DEFB125: variants seen among roughly 807,000 people sequenced by gnomAD.
DEFB125 encodes the protein defensin beta 125.
A neutral mutation model predicts 11.8 loss-of-function variants in DEFB125; 11 were observed. The ratio of observed to expected loss-of-function variants is 0.94; its 90% CI spans 0.59 to 1.55. DEFB125 has a LOEUF of 1.55. Among genes scored for constraint, DEFB125 ranks in the 40% most tolerant of loss-of-function variants. DEFB125 has a pLI of 0.00. For missense variants in DEFB125, 198 were observed against 191.2 expected, an observed-to-expected ratio of 1.04 and a Z score of -0.21; for synonymous variants, 79 against 66.7, an observed-to-expected ratio of 1.18 and a Z score of -0.90.
intron 1 of DEFB125, among the ~76,000 whole-genome samples, chr20:90,650 G>T (rs1385686917): frequency 6.6e-6 from 1 of 152,142 alleles, no homozygotes; most frequent in African/African-American, 2.4e-5. Context: ...GGTAACAAGA[G>T]TCCATACAGT....
At chr20:90,822 C>A (rs552052246) in intron 1 of DEFB125, among the ~76,000 whole-genome samples, 1 of 152,278 alleles carries the variant, frequency 6.6e-6, no homozygotes, top group Non-Finnish European at 1.5e-5. Context: ...TTTCCTCTGC[C>A]TAGAATGTAC....
At chr20:88,865 G>GACAC (rs200122767) in intron 1 of DEFB125, among the ~76,000 whole-genome samples, 28,562 of 148,146 alleles carry the variant, frequency 0.19, 3,063 homozygotes, top group African/African-American at 0.3. Context: ...TGGACACGTG[G>GACAC]ACACACACAC....
intron 1 of DEFB125, among the ~76,000 whole-genome samples, chr20:89,529 A>C (rs994380159): frequency 5.9e-5 from 9 of 152,064 alleles, no homozygotes; most frequent in African/African-American, 2.2e-4. Context: ...TGACTGTATA[A>C]ATTTTATAGA....
Position 96,127 on chromosome 20 carries a change from T to A in DEFB125, c.181T>A (p.Ser61Thr), listed in dbSNP as rs960455369. Reference sequence around the variant, plus strand: ...GCTATCATGCTGCATTTCTATAATATCACATGAATATACTCGACGACCAGC... The same window carrying A: ...GCTATCATGCTGCATTTCTATAATAACACATGAATATACTCGACGACCAGC... Reference protein sequence around the residue: ...NKLSCCISIISHEYTRRPAFP... With the variant: ...NKLSCCISIITHEYTRRPAFP... Residue 61 changes from serine (S) to threonine (T), a missense_variant, in exon 2 of 2, where the codon TCA (serine) becomes ACA (threonine). Coordinates refer to ENST00000382410, the MANE Select transcript of DEFB125 (RefSeq NM_153325.4). The A allele has an allele frequency of 1.2e-6, 2 of 1,614,234 alleles. No homozygotes were observed. Among genetic ancestry groups the A allele is most frequent in the Admixed American group, 1.7e-5 (1 of 60,030 alleles).
chr20:90,278 G>GA (rs941372545), intron 1 of DEFB125, among the ~76,000 whole-genome samples: 30 of 149,740 alleles, frequency 2.0e-4, no homozygotes, highest in Admixed American at 7.3e-4. Context: ...TGTCACTTTA[G>GA]AAAAAAAAAA....
chr20:96,223 G>A lies in DEFB125; in HGVS notation c.277G>A (p.Val93Ile). ...SDVDSFTGSPVSMLNDLITFD... is the reference protein window; with the variant it reads ...SDVDSFTGSPISMLNDLITFD... ...TGTGGACTCTTTTACTGGTTCCCCA[G>A]TATCTATGTTGAATGATCTGATAAC... Residue 93 changes from valine to isoleucine, a missense_variant, in exon 2 of 2, where the codon GTA (valine) becomes ATA (isoleucine). Transcript: ENST00000382410. The A allele has an allele frequency of 6.2e-7, 1 of 1,614,152 alleles. No homozygotes were observed. The highest frequency in any genetic ancestry group is 8.5e-7 in the Non-Finnish European group (1 of 1,180,028).
intron 1 of DEFB125, among the ~76,000 whole-genome samples, chr20:94,087 G>GT (rs2054506095): frequency 1.0e-5 from 1 of 99,050 alleles, no homozygotes; most frequent in Non-Finnish European, 2.0e-5. Context: ...TAAGTTTTTT[G>GT]GTTTTTTTTT....
chr20:87,916 G>A (rs2054481990), intron 1 of DEFB125, 149 bp downstream of exon 1: 2 of 758,814 alleles, frequency 2.6e-6, no homozygotes, highest in African/African-American at 3.5e-5. Context: ...GCAGCTCCAT[G>A]CCCCTAGTCT....
intron 1 of DEFB125, among the ~76,000 whole-genome samples, chr20:94,842 A>T (rs2054509030): frequency 6.6e-6 from 1 of 152,192 alleles, no homozygotes; most frequent in Admixed American, 6.5e-5. Context: ...CTGCTTATGA[A>T]TGAAAACATG....
intron 1 of DEFB125, among the ~76,000 whole-genome samples, chr20:88,948 C>A (rs951267238): frequency 6.6e-6 from 1 of 151,990 alleles, no homozygotes; most frequent in Admixed American, 6.6e-5. Flanking sequence ...TCACCAGTTG[C>A]AAGAGTGTCA....
At chr20:88,906 T>C (rs1026108960) in intron 1 of DEFB125, among the ~76,000 whole-genome samples, 1 of 148,554 alleles carries the variant, frequency 6.7e-6, no homozygotes, top group African/African-American at 2.5e-5. Flanking sequence ...TCAAACCACC[T>C]ACCAGAAAAG....
intron 1 of DEFB125, among the ~76,000 whole-genome samples, chr20:92,081 T>C (rs1224148735): frequency 6.6e-6 from 1 of 152,200 alleles, no homozygotes; most frequent in Non-Finnish European, 1.5e-5. Context: ...CATACATCTA[T>C]ATATGTTTTA....
chr20:88,241 T>C (rs1235169413), intron 1 of DEFB125, among the ~76,000 whole-genome samples: 1 of 152,122 alleles, frequency 6.6e-6, no homozygotes, highest in Non-Finnish European at 1.5e-5. Flanking sequence ...TGTAGCACTA[T>C]CATATGGAAG....
Position 96,118 on chromosome 20 carries a change from TC to T in DEFB125, c.173del (p.Ser58LeufsTer2). 1 of 1,614,202 alleles carries T rather than the reference TC, an allele frequency of 6.2e-7. No homozygotes were observed. Among genetic ancestry groups the T allele is most frequent in the South Asian group, 1.1e-5 (1 of 91,080 alleles). On this transcript the variant is annotated frameshift_variant, in exon 2 of 2. Transcript: ENST00000382410. LOFTEE classifies it high-confidence loss of function. Reference sequence around the variant, plus strand: ...TAGGAACAAGCTATCATGCTGCATTTCTATAATATCACATGAATATACTCGA... The same window carrying T: ...TAGGAACAAGCTATCATGCTGCATTTTATAATATCACATGAATATACTCGA... ...LCRNKLSCCI[S>X]IISHEYTRRP... is the part of the protein sequence containing the mutation.
chr20:89,671 C>T (rs2122974302), intron 1 of DEFB125, among the ~76,000 whole-genome samples: 1 of 151,970 alleles, frequency 6.6e-6, no homozygotes, highest in East Asian at 1.9e-4. Context: ...TGGAGATGTA[C>T]TTTTTTCTGT....
At chr20:89,917 T>C (rs1320764229) in intron 1 of DEFB125, among the ~76,000 whole-genome samples, 5 of 152,276 alleles carry the variant, frequency 3.3e-5, no homozygotes, top group East Asian at 3.9e-4. Context: ...TGTTCTCTTA[T>C]AGGTTTTGTT....
chr20:94,151 G>A (rs2054506321), intron 1 of DEFB125, among the ~76,000 whole-genome samples: 1 of 151,448 alleles, frequency 6.6e-6, no homozygotes, highest in South Asian at 2.1e-4. Context: ...TGTAATAATT[G>A]TTCATATTTA....
rs767658093 is a variant in DEFB125 at position 95,982 on chromosome 20, G to A, written c.59-23G>A. On this transcript the variant is annotated intron_variant, in intron 1 of 1. Coordinates refer to ENST00000382410, the MANE Select transcript of DEFB125 (RefSeq NM_153325.4). ...ATGTTGATGCCAGAGTTAAAAATTT[G>A]ACCTATATTTTATTCTCTACAGGTA... 7 of 1,537,894 alleles carry A rather than the reference G, an allele frequency of 4.6e-6. No individual in the cohort carries two copies. In the South Asian group the frequency reaches 7.6e-5, roughly 17 times the overall value.
Position 87,767 on chromosome 20 carries a change from G to T in DEFB125, c.58G>T (p.Gly20Cys). 6.2e-7 allele frequency: 1 copy of T among 1,612,982 alleles called. No homozygotes were observed. Among genetic ancestry groups the T allele is most frequent in the Non-Finnish European group, 8.5e-7 (1 of 1,179,128 alleles). Residue 20 changes from glycine to cysteine, a missense_variant and splice_region_variant, in exon 1 of 2, where the codon GGT (glycine) becomes TGT (cysteine). Physicochemically the swap from Gly to Cys is radical, Grantham distance 159 (BLOSUM62 -3). Transcript: ENST00000382410. The part of the protein sequence containing the change: ...ICGLLTRVTK[G>C]SFEPQKCWKN... ...TGGGTTGCTAACTCGGGTGACCAAA[G>T]GTAATGGAACCCTATAAAGCAGAGA...
Sources: gnomAD v4.1 joint callset for allele counts (sites outside exome capture counted in the v4.1 genomes callset) on GRCh38, gnomAD v4.1.1 for gene constraint, MANE v1.5 for transcripts, NCBI Gene and HGNC (gene_info 2026-07-23, HGNC 2026-07-21) for gene names.